The following NALF1 variants were observed in gnomAD, a reference collection of about 807,000 sequenced individuals.
NALF1 encodes NALCN channel auxiliary factor 1.
Under a neutral mutation model 48.4 loss-of-function variants are expected in NALF1, and 3 were observed. That is an observed-to-expected ratio of 0.06 (90% CI 0.03 to 0.16). The LOEUF is 0.16. Ranked by LOEUF, NALF1 falls within the 10% of genes least tolerant of loss-of-function variation. The pLI is 1.00. For synonymous variants in NALF1, 262 were observed against 245.7 expected, an observed-to-expected ratio of 1.07 and a Z score of -0.62; for missense variants, 526 against 571.5, an observed-to-expected ratio of 0.92 and a Z score of 0.81.
At chr13:107,201,962 T>C (rs531377744) in intron 2 of NALF1, among the ~76,000 whole-genome samples, 4 of 152,266 alleles carry the variant, frequency 2.6e-5, no homozygotes, top group African/African-American at 9.6e-5. Flanking sequence ...CGTCACTCTT[T>C]TGACCCCATA....
intron 1 of NALF1, among the ~76,000 whole-genome samples, chr13:107,791,406 A>G (rs1301788309): frequency 6.6e-6 from 1 of 152,042 alleles, no homozygotes; most frequent in Non-Finnish European, 1.5e-5. Flanking sequence ...TATAGTGATT[A>G]CTCCTGGGGC....
intron 1 of NALF1, among the ~76,000 whole-genome samples, chr13:107,653,022 G>A (rs953656632): frequency 2.0e-4 from 31 of 152,120 alleles, no homozygotes; most frequent in Middle Eastern, 3.4e-3. Context: ...GATACACGGG[G>A]GTTGAAGGAC....
At chr13:107,606,316 ATG>A (rs199553645) in intron 1 of NALF1, among the ~76,000 whole-genome samples, 4 of 146,320 alleles carry the variant, frequency 2.7e-5, no homozygotes, top group Non-Finnish European at 4.5e-5. Context: ...ACATATATAG[ATG>A]TGTGTGTTTA....
At chr13:107,745,001 T>G (rs988594190) in intron 1 of NALF1, among the ~76,000 whole-genome samples, 1 of 152,216 alleles carries the variant, frequency 6.6e-6, no homozygotes. Context: ...TGCACTGATA[T>G]TCACAACCAG....
chr13:107,820,411 G>C (rs1229984487), intron 1 of NALF1, among the ~76,000 whole-genome samples: 1 of 152,118 alleles, frequency 6.6e-6, no homozygotes, highest in Non-Finnish European at 1.5e-5. Flanking sequence ...ACACAGATCT[G>C]ACATTTTCTT....
intron 1 of NALF1, among the ~76,000 whole-genome samples, chr13:107,738,766 A>C (rs1347264711): frequency 6.6e-6 from 1 of 152,072 alleles, no homozygotes; most frequent in Non-Finnish European, 1.5e-5. Context: ...TCCTGGGGTC[A>C]AGTGATTCTG....
chr13:107,428,809 A>C (rs1236154817), intron 1 of NALF1, among the ~76,000 whole-genome samples: 1 of 152,230 alleles, frequency 6.6e-6, no homozygotes, highest in Non-Finnish European at 1.5e-5. Flanking sequence ...TATGTATGTT[A>C]TGCTTCAAAT....
intron 1 of NALF1, among the ~76,000 whole-genome samples, chr13:107,832,561 G>T (rs1879770435): frequency 6.6e-6 from 1 of 152,096 alleles, no homozygotes; most frequent in Admixed American, 6.6e-5. Flanking sequence ...AAACTTGTTT[G>T]TCTGCCTCTC....
intron 1 of NALF1, among the ~76,000 whole-genome samples, chr13:107,262,539 T>C (rs1334483283): frequency 6.6e-6 from 1 of 152,048 alleles, no homozygotes; most frequent in Non-Finnish European, 1.5e-5. Context: ...TCTGGAAGAG[T>C]TAATTCACTT....
At chr13:107,432,059 T>C (rs1194779121) in intron 1 of NALF1, among the ~76,000 whole-genome samples, 1 of 152,196 alleles carries the variant, frequency 6.6e-6, no homozygotes, top group African/African-American at 2.4e-5. Flanking sequence ...GGCTCACAGT[T>C]CTGCAGGCTG....
intron 1 of NALF1, among the ~76,000 whole-genome samples, chr13:107,289,799 T>TC (rs1881578194): frequency 6.6e-6 from 1 of 152,164 alleles, no homozygotes; most frequent in African/African-American, 2.4e-5. Flanking sequence ...AATATAGATG[T>TC]TTCAATGACT....
chr13:107,460,529 C>T (rs751177641), intron 1 of NALF1, among the ~76,000 whole-genome samples: 3 of 152,164 alleles, frequency 2.0e-5, no homozygotes, highest in Non-Finnish European at 4.4e-5. Flanking sequence ...GCATCAAATT[C>T]AATTTTTGTA....
At chr13:107,251,777 T>C (rs1440419675) in intron 1 of NALF1, among the ~76,000 whole-genome samples, 3 of 152,234 alleles carry the variant, frequency 2.0e-5, no homozygotes, top group African/African-American at 7.2e-5. Context: ...ATTACACAGT[T>C]GGATTTTGAA....
chr13:107,529,404 T>G (rs565673639), intron 1 of NALF1, among the ~76,000 whole-genome samples: 61 of 152,318 alleles, frequency 4.0e-4, no homozygotes, highest in African/African-American at 1.4e-3. Context: ...ATGCCCCAGA[T>G]GGCAGAAAGG....
At chr13:107,204,024 TCC>T (rs1879580825) in intron 2 of NALF1, among the ~76,000 whole-genome samples, 1 of 110,700 alleles carries the variant, frequency 9.0e-6, no homozygotes, top group Admixed American at 9.2e-5. Context: ...CCACAAGCTC[TCC>T]CTGCTCTCCA....
intron 1 of NALF1, among the ~76,000 whole-genome samples, chr13:107,849,049 C>T (rs1880245151): frequency 6.6e-6 from 1 of 152,130 alleles, no homozygotes; most frequent in Admixed American, 6.6e-5. Context: ...TACAACAACA[C>T]CCATTTTATT....
intron 1 of NALF1, among the ~76,000 whole-genome samples, chr13:107,663,453 G>A (rs994669498): frequency 6.6e-6 from 1 of 152,060 alleles, no homozygotes; most frequent in African/African-American, 2.4e-5. Context: ...TTGAGTCTTC[G>A]GTTAAAGGTT....
At chr13:107,776,269 T>A (rs1877727181) in intron 1 of NALF1, among the ~76,000 whole-genome samples, 1 of 152,140 alleles carries the variant, frequency 6.6e-6, no homozygotes, top group South Asian at 2.1e-4. Flanking sequence ...CCATCTCTCA[T>A]CAGCTGGGTA....
rs577739922 is a variant in NALF1 at position 107,676,105 on chromosome 13, ACT to A, written c.915+189575_915+189576del. Among the ~76,000 whole-genome samples, 13 of 152,278 alleles carry A rather than the reference ACT, an allele frequency of 8.5e-5. No homozygotes were observed. In the South Asian group the frequency reaches 2.5e-3, roughly 29 times the overall value. On this transcript the variant is annotated intron_variant, in intron 1 of 2. Coordinates refer to ENST00000375915, the MANE Select transcript of NALF1 (RefSeq NM_001080396.3). The stretch of plus-strand genomic sequence containing the variant: ...GCTAAAACAAGAGCCCTAGAAAAAC[ACT>A]CAAGCCTGCTCTGAGGAGTCAATAC...
Sources: gnomAD v4.1 joint callset for allele counts (sites outside exome capture counted in the v4.1 genomes callset) on GRCh38, gnomAD v4.1.1 for gene constraint, MANE v1.5 for transcripts, NCBI Gene and HGNC (gene_info 2026-07-23, HGNC 2026-07-21) for gene names.